The following REV3L variants were observed in gnomAD, a reference collection of about 807,000 sequenced individuals.
REV3L encodes REV3 like, DNA directed polymerase zeta catalytic subunit, also known as DNA polymerase zeta catalytic subunit.
REV3L carries 69 observed loss-of-function variants against 299.4 expected under a neutral mutation model. The ratio of observed to expected loss-of-function variants is 0.23; its 90% CI spans 0.19 to 0.28. REV3L has a LOEUF of 0.28. REV3L is among the 10% of genes least tolerant of loss of function. REV3L has a pLI of 1.00. For synonymous variants in REV3L, 1,238 were observed against 1,271.4 expected (o/e 0.97, Z 0.56); for missense variants, 3,128 against 3,693.8 (o/e 0.85, Z 3.97).
At chr6:111,443,296 C>T (rs1788488368) in intron 1 of REV3L, among the ~76,000 whole-genome samples, 7 of 151,996 alleles carry the variant, frequency 4.6e-5, no homozygotes, top group Admixed American at 3.3e-4. Flanking sequence ...CTACAGGCGC[C>T]GCCACCTCGC....
rs1359612273 is a variant in REV3L at position 111,373,947 on chromosome 6, T to C, written c.4408A>G (p.Ile1470Val). 12 of 1,614,162 alleles carry C rather than the reference T, an allele frequency of 7.4e-6. No homozygotes were observed. Among genetic ancestry groups the C allele is most frequent in the Non-Finnish European group, 1.0e-5 (12 of 1,179,996 alleles). The change falls in exon 13 of 32, where the codon ATA becomes GTA. Residue 1470 changes from isoleucine to valine, a missense_variant. Coordinates refer to ENST00000368802, the MANE Select transcript of REV3L (RefSeq NM_001372078.1). Reference protein sequence around the residue: ...VTSLRSPIKQIAWEQKQRGFI... With the variant: ...VTSLRSPIKQVAWEQKQRGFI... ...CCCCTTTGCTTTTGCTCCCATGCTATTTGTTTGATTGGACTTCTCAAGGAA... is the reference window on the plus strand; with the variant it reads ...CCCCTTTGCTTTTGCTCCCATGCTACTTGTTTGATTGGACTTCTCAAGGAA...
At chr6:111,415,846 G>A (rs948327236) in intron 2 of REV3L, among the ~76,000 whole-genome samples, 3 of 151,868 alleles carry the variant, frequency 2.0e-5, no homozygotes, top group African/African-American at 7.3e-5. Flanking sequence ...CCTTCCACAC[G>A]ACTAATTATC....
chr6:111,389,123 C>T lies in REV3L; in HGVS notation c.845G>A (p.Ser282Asn). 1.2e-6 allele frequency: 2 copies of T among 1,613,700 alleles called. No homozygotes were observed. Among genetic ancestry groups the T allele is most frequent in the East Asian group, 2.2e-5 (1 of 44,836 alleles). Residue 282 changes from serine (S) to asparagine (N), a missense_variant, in exon 7 of 32, where the codon AGC becomes AAC. By Grantham distance (46) the Ser-to-Asn change is conservative. This residue lies in a region of REV3L where 2,409 missense variants were observed against 2,611.8 expected (regional missense o/e 0.92). Transcript: ENST00000368802. ...GTTTATACCTTGTGACTCAGGTTGG[C>T]TCATTTGAGAAGTTTCATTTCTGTT... The part of the protein sequence containing the change: ...RRNRNETSQM[S>N]QPESQDHRFV...
chr6:111,406,707 G>C (rs918539698), intron 3 of REV3L, among the ~76,000 whole-genome samples: 16 of 152,164 alleles, frequency 1.1e-4, no homozygotes, highest in Non-Finnish European at 2.2e-4. Context: ...GGGAAGAACT[G>C]TAAGAAAAAT....
chr6:111,301,498 A>G (rs541602294), intron 31 of REV3L, among the ~76,000 whole-genome samples: 11 of 152,142 alleles, frequency 7.2e-5, no homozygotes, highest in African/African-American at 2.7e-4. Context: ...ACCCAGCTGT[A>G]AAATTTCAAA....
intron 1 of REV3L, among the ~76,000 whole-genome samples, chr6:111,442,016 A>C (rs1203762005): frequency 6.6e-6 from 1 of 152,240 alleles, no homozygotes; most frequent in African/African-American, 2.4e-5. Context: ...AACAGGAAGA[A>C]TAAAGGGGGC....
At chr6:111,341,558 G>GTAA (rs1776484174) in intron 21 of REV3L, among the ~76,000 whole-genome samples, 1 of 152,144 alleles carries the variant, frequency 6.6e-6, no homozygotes, top group Non-Finnish European at 1.5e-5. Flanking sequence ...AGTAAGTACA[G>GTAA]ATTCACTCAT....
chr6:111,370,311 G>A (rs1779675490), intron 13 of REV3L, among the ~76,000 whole-genome samples: 1 of 151,976 alleles, frequency 6.6e-6, no homozygotes, highest in South Asian at 2.1e-4. Context: ...CCAAAATGAT[G>A]GAAACTAACG....
At chr6:111,323,430 G>A (rs1004422527) in intron 25 of REV3L, among the ~76,000 whole-genome samples, 1 of 152,146 alleles carries the variant, frequency 6.6e-6, no homozygotes, top group Non-Finnish European at 1.5e-5. Flanking sequence ...TAAAGTTAAT[G>A]CTGAACTTCA....
chr6:111,376,814 A>G (rs1780365201), intron 12 of REV3L, 57 bp from the exon 13 acceptor site: 3 of 1,357,838 alleles, frequency 2.2e-6, no homozygotes, highest in African/African-American at 2.9e-5. Flanking sequence ...TTTTTAAGAC[A>G]TTTTCCCACA....
At chr6:111,365,972 A>G (rs536054758) in intron 14 of REV3L, among the ~76,000 whole-genome samples, 1 of 152,196 alleles carries the variant, frequency 6.6e-6, no homozygotes, top group Non-Finnish European at 1.5e-5. Flanking sequence ...GAAGTACAAT[A>G]AAGTAGATAG....
At chr6:111,341,766 CA>C (rs1442818889) in intron 21 of REV3L, among the ~76,000 whole-genome samples, 1 of 149,748 alleles carries the variant, frequency 6.7e-6, no homozygotes. Context: ...TGGGGGGGGT[CA>C]GAAGTATAGC....
intron 1 of REV3L, among the ~76,000 whole-genome samples, chr6:111,417,433 CAG>C (rs1784894040): frequency 6.6e-6 from 1 of 152,148 alleles, no homozygotes; most frequent in African/African-American, 2.4e-5. Flanking sequence ...CTAATCCAAA[CAG>C]AGAGGAGAAC....
chr6:111,301,903 G>C (rs1482222573), intron 31 of REV3L, among the ~76,000 whole-genome samples: 2 of 152,112 alleles, frequency 1.3e-5, no homozygotes, highest in Non-Finnish European at 2.9e-5. Context: ...GAAAATGCAG[G>C]CCGACTTTCA....
At chr6:111,389,914 A>T (rs1199785851) in intron 6 of REV3L, among the ~76,000 whole-genome samples, 172 bp downstream of exon 6, 1 of 151,492 alleles carries the variant, frequency 6.6e-6, no homozygotes, top group Admixed American at 6.6e-5. Context: ...TTTATTTTGT[A>T]TTTTAGTAGA....
chr6:111,360,932 G>A (rs72945312), intron 16 of REV3L, among the ~76,000 whole-genome samples: 3,757 of 151,492 alleles, frequency 0.025, 72 homozygotes, highest in Non-Finnish European at 0.038. Flanking sequence ...ACATGAAATG[G>A]AGAGCTAAGG....
intron 21 of REV3L, among the ~76,000 whole-genome samples, chr6:111,336,988 A>T (rs1163059801): frequency 6.6e-6 from 1 of 152,022 alleles, no homozygotes; most frequent in Non-Finnish European, 1.5e-5. Context: ...AAATTAGAGA[A>T]TTAAAAAGCT....
intron 25 of REV3L, among the ~76,000 whole-genome samples, chr6:111,324,043 A>G (rs1774479450): frequency 6.6e-6 from 1 of 152,212 alleles, no homozygotes; most frequent in African/African-American, 2.4e-5. Context: ...TCTGTCACCC[A>G]GGCTGGAGTG....
chr6:111,412,612 A>T (rs1243824175), intron 2 of REV3L, among the ~76,000 whole-genome samples: 3 of 152,112 alleles, frequency 2.0e-5, no homozygotes, highest in Non-Finnish European at 4.4e-5. Flanking sequence ...AGCAGATAAT[A>T]GAATTTACTC....
Sources: gnomAD v4.1 joint callset for allele counts (sites outside exome capture counted in the v4.1 genomes callset) on GRCh38, gnomAD v4.1.1 for gene constraint, gnomAD v4.1.1 regional missense constraint, MANE v1.5 for transcripts, NCBI Gene and HGNC (gene_info 2026-07-23, HGNC 2026-07-21) for gene names.